Variants in NCKAP5 observed in about 807,000 individuals in gnomAD.
The protein encoded by NCKAP5 is NCK associated protein 5.
NCKAP5 carries 92 observed loss-of-function variants against 167.0 expected under a neutral mutation model. That is an observed-to-expected ratio of 0.55 (90% confidence interval 0.47 to 0.66). The LOEUF (loss-of-function observed/expected upper bound fraction) is 0.66, where lower values mean the gene tolerates loss of function less well. NCKAP5 is among the 30% of genes least tolerant of loss of function. NCKAP5 has a pLI of 0.00. For missense variants in NCKAP5, 2,378 were observed against 2,315.0 expected (o/e 1.03, Z -0.56); for synonymous variants, 891 against 877.4 (o/e 1.02, Z -0.27).
At chr2:133,627,105 A>T in the NCKAP5 span, among the ~76,000 whole-genome samples, 3 of 152,080 alleles carry the variant, frequency 2.0e-5, no homozygotes, top group African/African-American at 7.2e-5. Context: ...GGCCATAAAA[A>T]TTTGAAATAC....
chr2:133,023,979 A>G (rs913244175), intron 6 of NCKAP5, among the ~76,000 whole-genome samples: 21 of 152,152 alleles, frequency 1.4e-4, no homozygotes, highest in Non-Finnish European at 2.9e-4. Flanking sequence ...TCCTGCATAT[A>G]TTCAATATAT....
intron 2 of NCKAP5, among the ~76,000 whole-genome samples, chr2:133,544,692 T>G (rs377299884): frequency 1.3e-5 from 2 of 152,220 alleles, no homozygotes; most frequent in Non-Finnish European, 2.9e-5. Context: ...TTCACACAAA[T>G]GGATGAACTG....
rs1295572137 is a variant in NCKAP5 at position 132,783,143 on chromosome 2, A to G, written c.3668T>C (p.Leu1223Pro). The stretch of plus-strand genomic sequence containing the variant: ...CTCTTGTAGTGCTGTTTCCAGGGGA[A>G]GCCCATCAGCTAAACTGCCCTGTGC... Reference protein sequence around the residue: ...SQAQGSLADGLPLETALQEPL... With the variant: ...SQAQGSLADGPPLETALQEPL... The change falls in exon 14 of 20, where the codon CTT (leucine) becomes CCT (proline). Residue 1223 changes from leucine (L) to proline (P), a missense_variant. By Grantham distance (98) the Leu-to-Pro change is moderately conservative. Transcript: ENST00000409261. The G allele has an allele frequency of 6.2e-7, 1 of 1,613,526 alleles. No homozygotes were observed. The highest frequency in any genetic ancestry group is 1.1e-5 in the South Asian group (1 of 91,010).
At position 133,423,196 on chromosome 2, in the gene NCKAP5, G is replaced by T. The variant is rs539103101; in HGVS notation, c.69+94262C>A. On this transcript the variant is annotated intron_variant, in intron 3 of 19. Transcript: ENST00000409261. ...AATATTTTACTACAAGGTATTTAGGGTTTTGACAAATACTAACTGACATTG... is the reference window on the plus strand; with the variant it reads ...AATATTTTACTACAAGGTATTTAGGTTTTTGACAAATACTAACTGACATTG... 2.0e-5 allele frequency among the ~76,000 whole-genome samples: 3 copies of T among 152,294 alleles called. No homozygotes were observed. The East Asian group carries it at 5.8e-4, about 29-fold the overall frequency.
At chr2:132,836,339 C>G (rs1229189687) in intron 11 of NCKAP5, among the ~76,000 whole-genome samples, 2 of 152,140 alleles carry the variant, frequency 1.3e-5, no homozygotes, top group Non-Finnish European at 2.9e-5. Flanking sequence ...ATCATGACCA[C>G]TGATTGCACG....
intron 3 of NCKAP5, among the ~76,000 whole-genome samples, chr2:133,390,929 G>A (rs543057648): frequency 9.2e-5 from 14 of 152,308 alleles, no homozygotes; most frequent in Middle Eastern, 3.4e-3. Flanking sequence ...CATGCAGAGT[G>A]TATTTATTGG....
chr2:133,467,685 A>G (rs1304694990), intron 3 of NCKAP5, among the ~76,000 whole-genome samples: 2 of 149,506 alleles, frequency 1.3e-5, no homozygotes, highest in African/African-American at 2.5e-5. Context: ...CCACAATTTC[A>G]GCTCCTGTTA....
intron 19 of NCKAP5, among the ~76,000 whole-genome samples, chr2:132,682,121 T>G (rs776219374): frequency 6.6e-6 from 1 of 152,034 alleles, no homozygotes; most frequent in Non-Finnish European, 1.5e-5. Context: ...AAAGAAGAAT[T>G]TTTTTTTGGT....
chr2:132,955,621 T>G (rs978418174), intron 8 of NCKAP5, among the ~76,000 whole-genome samples: 4 of 152,182 alleles, frequency 2.6e-5, no homozygotes, highest in Non-Finnish European at 5.9e-5. Flanking sequence ...TAAACATACA[T>G]GTGCATGTGT....
chr2:133,655,633 G>C, the NCKAP5 span, among the ~76,000 whole-genome samples: 3 of 152,174 alleles, frequency 2.0e-5, no homozygotes, highest in African/African-American at 7.2e-5. Flanking sequence ...GGAGAAATCT[G>C]ACCTCAAAGG....
chr2:133,081,063 A>G (rs927717697), intron 6 of NCKAP5, among the ~76,000 whole-genome samples: 1 of 152,180 alleles, frequency 6.6e-6, no homozygotes, highest in African/African-American at 2.4e-5. Context: ...CTGGCGGACT[A>G]GCACATCAGA....
chr2:133,446,060 C>A (rs769612506), intron 3 of NCKAP5, among the ~76,000 whole-genome samples: 12 of 151,952 alleles, frequency 7.9e-5, no homozygotes. Context: ...GACAGACTTG[C>A]AAAGAGAGGA....
At chr2:133,608,347 C>A in the NCKAP5 span, among the ~76,000 whole-genome samples, 1 of 152,202 alleles carries the variant, frequency 6.6e-6, no homozygotes, top group Non-Finnish European at 1.5e-5. Flanking sequence ...AGGTTAGCAT[C>A]TCTTCCTACT....
chr2:133,024,010 G>A (rs1462995527), intron 6 of NCKAP5, among the ~76,000 whole-genome samples: 2 of 152,122 alleles, frequency 1.3e-5, no homozygotes, highest in Non-Finnish European at 1.5e-5. Flanking sequence ...TTTGAGATAT[G>A]TATGTATGTC....
chr2:132,871,543 C>G (rs1383693119), intron 9 of NCKAP5, among the ~76,000 whole-genome samples: 1 of 152,068 alleles, frequency 6.6e-6, no homozygotes, highest in Non-Finnish European at 1.5e-5. Flanking sequence ...CATAAAATAG[C>G]TCTATCCATG....
At chr2:132,997,468 A>T (rs772087927) in intron 6 of NCKAP5, among the ~76,000 whole-genome samples, 28 of 152,308 alleles carry the variant, frequency 1.8e-4, no homozygotes, top group Admixed American at 5.2e-4. Context: ...TTGACAAAGA[A>T]CTGTCTCATC....
chr2:132,780,833 A>G (rs1398752626), intron 15 of NCKAP5, among the ~76,000 whole-genome samples: 1 of 152,196 alleles, frequency 6.6e-6, no homozygotes, highest in Admixed American at 6.5e-5. Context: ...GAAAAGCAGC[A>G]TTTCCTGAGA....
chr2:132,676,298 T>C (rs1040539644), intron 19 of NCKAP5, among the ~76,000 whole-genome samples: 1 of 136,316 alleles, frequency 7.3e-6, no homozygotes, highest in Non-Finnish European at 1.6e-5. Context: ...TTTTTTTTTT[T>C]TTTTTTTTTT....
At chr2:133,187,170 T>C (rs576326591) in intron 5 of NCKAP5, among the ~76,000 whole-genome samples, 1 of 152,206 alleles carries the variant, frequency 6.6e-6, no homozygotes, top group East Asian at 1.9e-4. Flanking sequence ...TTCATTAATT[T>C]TAAATAAAGT....
Sources: allele counts gnomAD v4.1 joint callset (sites outside exome capture counted in the v4.1 genomes callset), GRCh38; gene constraint gnomAD v4.1.1; transcripts MANE v1.5; gene names NCBI Gene and HGNC (gene_info 2026-07-23, HGNC 2026-07-21).